NRXN3: variants seen among roughly 807,000 people sequenced by gnomAD.
NRXN3 encodes the protein neurexin III.
A neutral mutation model predicts 137.6 loss-of-function variants in NRXN3; 32 were observed. The observed-to-expected ratio is 0.23, with a 90% CI of 0.18 to 0.31. NRXN3 has a LOEUF of 0.31. NRXN3 is among the 10% of genes least tolerant of loss of function. The pLI is 1.00. For synonymous variants in NRXN3, 798 were observed against 784.5 expected (o/e 1.02, Z -0.29); for missense variants, 1,574 against 2,062.5 (o/e 0.76, Z 4.59).
intron 15 of NRXN3, among the ~76,000 whole-genome samples, chr14:79,402,578 C>T (rs759295228): frequency 3.3e-5 from 5 of 151,978 alleles, no homozygotes; most frequent in Admixed American, 6.6e-5. Context: ...TACACCAGGC[C>T]CAGAAGAAAT....
intron 4 of NRXN3, among the ~76,000 whole-genome samples, chr14:78,399,126 G>A (rs572561578): frequency 1.3e-5 from 2 of 152,264 alleles, no homozygotes; most frequent in South Asian, 4.1e-4. Context: ...TCTGAGATAT[G>A]CGATACAAAA....
intron 15 of NRXN3, among the ~76,000 whole-genome samples, chr14:79,076,975 A>G (rs1426506792): frequency 2.0e-5 from 3 of 152,150 alleles, no homozygotes; most frequent in Non-Finnish European, 4.4e-5. Context: ...CTAAAAACAA[A>G]GAGTCTCTCT....
chr14:78,835,342 T>G (rs961260257), intron 10 of NRXN3, among the ~76,000 whole-genome samples: 2 of 152,136 alleles, frequency 1.3e-5, no homozygotes, highest in African/African-American at 4.8e-5. Context: ...CTGCAGTTGG[T>G]GGTGGCTGGT....
At chr14:78,648,055 G>A (rs1229789892) in intron 5 of NRXN3, among the ~76,000 whole-genome samples, 6 of 152,196 alleles carry the variant, frequency 3.9e-5, no homozygotes, top group Admixed American at 2.6e-4. Context: ...CTTCCTTCAT[G>A]ATCATCTATT....
chr14:78,435,130 G>A (rs1444693659), intron 4 of NRXN3, among the ~76,000 whole-genome samples: 1 of 152,198 alleles, frequency 6.6e-6, no homozygotes, highest in East Asian at 1.9e-4. Flanking sequence ...TTCCTTTGGA[G>A]ATTCATGTTT....
intron 16 of NRXN3, among the ~76,000 whole-genome samples, chr14:79,617,336 CT>C (rs1281909838): frequency 1.4e-5 from 2 of 146,674 alleles, no homozygotes; most frequent in African/African-American, 4.9e-5. Flanking sequence ...TCCCCAATGG[CT>C]TTTCAAAAGT....
At chr14:78,579,371 G>A (rs1025838400) in intron 4 of NRXN3, among the ~76,000 whole-genome samples, 2 of 152,096 alleles carry the variant, frequency 1.3e-5, no homozygotes, top group Non-Finnish European at 2.9e-5. Context: ...CCCTTAGGGC[G>A]AAGCTCAGCC....
At chr14:79,609,202 A>G (rs992446971) in intron 16 of NRXN3, among the ~76,000 whole-genome samples, 2 of 152,210 alleles carry the variant, frequency 1.3e-5, no homozygotes, top group Non-Finnish European at 2.9e-5. Flanking sequence ...GTGACCAGTA[A>G]TGATTGTTGT....
chr14:79,053,693 A>C (rs1253688816), intron 15 of NRXN3, among the ~76,000 whole-genome samples: 4 of 151,974 alleles, frequency 2.6e-5, no homozygotes, highest in Non-Finnish European at 5.9e-5. Flanking sequence ...CCCTAGCGGA[A>C]GAAGTAATGT....
chr14:78,612,691 G>A (rs529522972), intron 4 of NRXN3, among the ~76,000 whole-genome samples: 3 of 152,280 alleles, frequency 2.0e-5, no homozygotes, highest in Non-Finnish European at 4.4e-5. Context: ...GAACTAGTCT[G>A]GTACTCAGTT....
chr14:79,655,364 G>A (rs879307628), intron 16 of NRXN3, among the ~76,000 whole-genome samples: 13 of 152,094 alleles, frequency 8.5e-5, no homozygotes, highest in South Asian at 4.1e-4. Context: ...GGGGACAGTC[G>A]GAGAGCTTAT....
At chr14:79,728,454 A>G (rs917317823) in intron 19 of NRXN3, among the ~76,000 whole-genome samples, 5 of 152,112 alleles carry the variant, frequency 3.3e-5, no homozygotes, top group African/African-American at 1.2e-4. Context: ...GCTTCCTCTC[A>G]TGAGGAGAAG....
intron 4 of NRXN3, among the ~76,000 whole-genome samples, chr14:78,384,503 A>G (rs576341791): frequency 5.9e-5 from 9 of 152,322 alleles, no homozygotes; most frequent in Admixed American, 5.9e-4. Context: ...TCTCAAACAC[A>G]CCAGCAATTT....
chr14:78,802,644 C>T (rs1425210535), intron 8 of NRXN3, among the ~76,000 whole-genome samples: 10 of 152,148 alleles, frequency 6.6e-5, no homozygotes. Flanking sequence ...AGGAAGGTAT[C>T]AAATAAAAGT....
chr14:79,447,274 C>T (rs2096076386), intron 15 of NRXN3, among the ~76,000 whole-genome samples: 1 of 152,078 alleles, frequency 6.6e-6, no homozygotes, highest in Admixed American at 6.5e-5. Context: ...TTGCTTGTTT[C>T]ATTAGTAGGA....
intron 4 of NRXN3, among the ~76,000 whole-genome samples, chr14:78,484,027 C>G (rs7150151): frequency 0.52 from 71,481 of 137,024 alleles, 18,277 homozygotes; most frequent in Middle Eastern, 0.68. Context: ...CACACACACA[C>G]AGAGAGAGAG....
chr14:79,236,223 A>G (rs1370265679), intron 15 of NRXN3, among the ~76,000 whole-genome samples: 1 of 151,988 alleles, frequency 6.6e-6, no homozygotes, highest in Non-Finnish European at 1.5e-5. Context: ...ACTTCCACTC[A>G]CCTTCACGTT....
At chr14:79,339,903 G>A (rs1328785988) in intron 15 of NRXN3, among the ~76,000 whole-genome samples, 1 of 152,186 alleles carries the variant, frequency 6.6e-6, no homozygotes, top group African/African-American at 2.4e-5. Context: ...ACAATTAGTA[G>A]TGTTGTTAAA....
chr14:78,821,823 G>A (rs1000368738), intron 10 of NRXN3, among the ~76,000 whole-genome samples: 1 of 152,110 alleles, frequency 6.6e-6, no homozygotes, highest in Non-Finnish European at 1.5e-5. Context: ...CCGGCAGTTG[G>A]AATGTTTAAC....
Sources: gnomAD v4.1 joint callset for allele counts (sites outside exome capture counted in the v4.1 genomes callset) on GRCh38, gnomAD v4.1.1 for gene constraint, MANE v1.5 for transcripts, NCBI Gene and HGNC (gene_info 2026-07-23, HGNC 2026-07-21) for gene names.